The following TRAPPC3 variants were observed in gnomAD, a reference collection of about 807,000 sequenced individuals.
TRAPPC3 encodes the protein trafficking protein particle complex subunit 3.
In TRAPPC3, 5 loss-of-function variants were observed where a neutral mutation model predicts 18.2. The ratio of observed to expected loss-of-function variants is 0.28; its 90% CI spans 0.14 to 0.58. TRAPPC3 has a LOEUF of 0.58. Among genes scored for constraint, TRAPPC3 ranks in the 20% least tolerant of loss-of-function variants. The pLI, the probability that TRAPPC3 is intolerant of heterozygous loss-of-function variation, is 0.91. For synonymous variants in TRAPPC3, 65 were observed against 84.2 expected (o/e 0.77, Z 1.25); for missense variants, 176 against 225.9 (o/e 0.78, Z 1.41).
chr1:36,152,002 CCCTTGAGGCTGGGGCAGTG>C (rs1489591379), upstream of TRAPPC3, among the ~76,000 whole-genome samples: 274 of 152,256 alleles, frequency 1.8e-3, 1 homozygote, highest in African/African-American at 6.2e-3. Flanking sequence ...TTGCTGCAGT[CCCTTGAGGCTGGGGCAGTG>C]CCTTGAGGCT....
intron 4 of TRAPPC3, 198 bp from the exon 5 acceptor site, chr1:36,137,520 T>C: frequency 1.6e-6 from 1 of 639,298 alleles, no homozygotes; most frequent in South Asian, 2.1e-5. Flanking sequence ...TAGCAAAGAA[T>C]ACCCAAGAAT....
upstream of TRAPPC3, among the ~76,000 whole-genome samples, chr1:36,150,123 G>A (rs1644257449): frequency 6.6e-6 from 1 of 152,032 alleles, no homozygotes. Context: ...TACACTGCCT[G>A]GTTCCCAGAA....
At chr1:36,149,678 G>T (rs1184780533), upstream of TRAPPC3, among the ~76,000 whole-genome samples, 4 of 152,236 alleles carry the variant, frequency 2.6e-5, no homozygotes, top group African/African-American at 7.2e-5. Flanking sequence ...CCCAGCTTGC[G>T]CTGGGCAGCA....
Position 36,136,951 on chromosome 1 carries a change from C to T in TRAPPC3, c.*252G>A. On this transcript the variant is annotated 3_prime_UTR_variant, in exon 5 of 5. Coordinates refer to ENST00000373166, the MANE Select transcript of TRAPPC3 (RefSeq NM_014408.5). ...TAAAATGGTTTGAGCTCTTTCTAGT[C>T]CAACCAAAGGTGATTACATCCAGCC... 1 of 344,960 alleles carries T rather than the reference C, an allele frequency of 2.9e-6. No individual in the cohort carries two copies. Among genetic ancestry groups the T allele is most frequent in the East Asian group, 4.8e-5 (1 of 20,680 alleles). 21.4% of individuals were successfully genotyped at this position (344,960 alleles called of 1,614,324 possible).
intron 1 of TRAPPC3, among the ~76,000 whole-genome samples, chr1:36,147,664 C>A (rs1184582813): frequency 1.3e-5 from 2 of 152,012 alleles, no homozygotes; most frequent in East Asian, 1.9e-4. Context: ...AGACAACCAG[C>A]ATAGAGTTAG....
At chr1:36,146,389 C>T (rs544685413) in intron 1 of TRAPPC3, among the ~76,000 whole-genome samples, 2 of 151,444 alleles carry the variant, frequency 1.3e-5, no homozygotes, top group East Asian at 1.9e-4. Flanking sequence ...CTCCGCCTCC[C>T]GGGTTCAGGC....
chr1:36,149,185 G>A, intron 1 of TRAPPC3, 152 bp downstream of exon 1: 1 of 1,488,900 alleles, frequency 6.7e-7, no homozygotes, highest in Non-Finnish European at 9.0e-7. Flanking sequence ...TCACCTGCCT[G>A]GAACGCCCCC....
chr1:36,151,546 G>C (rs1217346118), upstream of TRAPPC3, among the ~76,000 whole-genome samples: 1 of 152,124 alleles, frequency 6.6e-6, no homozygotes, highest in Admixed American at 6.5e-5. Context: ...AGGAGGTGGA[G>C]GGTGCAGTGA....
At position 36,145,827 on chromosome 1, in the gene TRAPPC3, G is replaced by A. The variant is rs553671250; in HGVS notation, c.42+3510C>T. On this transcript the variant is annotated intron_variant, in intron 1 of 4. Coordinates refer to ENST00000373166, the MANE Select transcript of TRAPPC3 (RefSeq NM_014408.5). The stretch of plus-strand genomic sequence containing the variant: ...CTCGCACTGTCGCCCAGGCTGGAGT[G>A]CAGTAGCGCGATCTCGGCTCACTGC... Among the ~76,000 whole-genome samples, 4 of 152,304 alleles carry A rather than the reference G, an allele frequency of 2.6e-5. No individual in the cohort carries two copies. In the East Asian group the frequency reaches 5.8e-4, roughly 22 times the overall value.
upstream of TRAPPC3, among the ~76,000 whole-genome samples, chr1:36,151,124 C>T (rs1434030155): frequency 6.6e-6 from 1 of 152,178 alleles, no homozygotes; most frequent in Non-Finnish European, 1.5e-5. Context: ...CTTGGCGTCT[C>T]TTTCTCTTTG....
At chr1:36,146,037 CAA>C (rs1326686678) in intron 1 of TRAPPC3, among the ~76,000 whole-genome samples, 1 of 152,094 alleles carries the variant, frequency 6.6e-6, no homozygotes, top group African/African-American at 2.4e-5. Context: ...CCTGGCCTCC[CAA>C]AGTGCTGGGA....
Position 36,140,077 on chromosome 1 carries a change from C to T in TRAPPC3, c.132G>A (p.Leu44=). Residue 44 remains leucine (L), a synonymous_variant, in exon 2 of 5, where the codon CTG becomes CTA. Transcript: ENST00000373166. The part of the protein sequence containing the change: ...YENDEDVNKQ[L]DKMGFNIGVR... ...TGAAGGAGCTCACTCACATTTTGTC[C>T]AGCTGTTTATTCACATCTTCATCAT... 6.3e-7 allele frequency: 1 copy of T among 1,598,364 alleles called. No homozygotes were observed.
At chr1:36,150,908 T>G (rs1208246232), upstream of TRAPPC3, among the ~76,000 whole-genome samples, 1 of 152,166 alleles carries the variant, frequency 6.6e-6, no homozygotes, top group African/African-American at 2.4e-5. Context: ...AAGCTGCAGT[T>G]GGCCAGCCGG....
chr1:36,144,404 G>A (rs1387380218), intron 1 of TRAPPC3, among the ~76,000 whole-genome samples: 1 of 152,030 alleles, frequency 6.6e-6, no homozygotes, highest in Non-Finnish European at 1.5e-5. Context: ...CAGCACTTTG[G>A]GAGGCGGAGG....
intron 3 of TRAPPC3, chr1:36,138,334 A>G (rs1644056501): frequency 7.3e-7 from 1 of 1,379,002 alleles, no homozygotes; most frequent in African/African-American, 1.4e-5. Context: ...CTGAGTGCAG[A>G]GGCCCTAACC....
upstream of TRAPPC3, chr1:36,149,551 C>A: frequency 1.4e-6 from 1 of 738,534 alleles, no homozygotes; most frequent in Non-Finnish European, 2.3e-6. Context: ...CCGACGTGGG[C>A]AACTCCCGCC....
rs779557411 is a variant in TRAPPC3, at chr1:36,137,844, A to G, written c.375T>C (p.Leu125=). Residue 125 remains leucine (L), a synonymous_variant, in exon 4 of 5, where the codon CTT becomes CTC. Transcript: ENST00000373166. ...FVELPDNHSS[L]IYSNLLCGVL... ...CCCCACACAAGAGATTGGAATAAAT[A>G]AGGGATGAGTGGTTATCAGGAAGTT... 6.2e-7 allele frequency: 1 copy of G among 1,614,124 alleles called. No individual in the cohort carries two copies. Among genetic ancestry groups the G allele is most frequent in the South Asian group, 1.1e-5 (1 of 91,088 alleles).
chr1:36,151,028 G>A (rs953618223), upstream of TRAPPC3, among the ~76,000 whole-genome samples: 2 of 152,184 alleles, frequency 1.3e-5, no homozygotes, highest in South Asian at 2.1e-4. Context: ...CAAGCAGGGC[G>A]GTTCTAGAGA....
upstream of TRAPPC3, among the ~76,000 whole-genome samples, chr1:36,153,548 A>G (rs1255450385): frequency 6.6e-6 from 1 of 152,220 alleles, no homozygotes; most frequent in Non-Finnish European, 1.5e-5. Flanking sequence ...AAGCTAGGGA[A>G]GGGTTCCTCA....
Sources: allele counts gnomAD v4.1 joint callset (sites outside exome capture counted in the v4.1 genomes callset), GRCh38; gene constraint gnomAD v4.1.1; transcripts MANE v1.5; gene names NCBI Gene and HGNC (gene_info 2026-07-23, HGNC 2026-07-21).